GGNBP2: variants seen among roughly 807,000 people sequenced by gnomAD.
The protein encoded by GGNBP2 is gametogenetin binding protein 2.
Under a neutral mutation model 85.9 loss-of-function variants are expected in GGNBP2, and 10 were observed. The observed-to-expected ratio is 0.12, with a 90% confidence interval of 0.07 to 0.20. GGNBP2 has a LOEUF of 0.20. Among genes scored for constraint, GGNBP2 ranks in the 10% least tolerant of loss-of-function variants. The pLI is 1.00. For synonymous variants in GGNBP2, 287 were observed against 285.7 expected (o/e 1.00, Z -0.05); for missense variants, 595 against 857.8 (o/e 0.69, Z 3.83).
chr17:36,545,509 G>A, intron 1 of GGNBP2, 110 bp from the exon 2 acceptor site: 1 of 464,530 alleles, frequency 2.2e-6, no homozygotes, highest in Non-Finnish European at 3.8e-6. Context: ...ATCGGGTGAT[G>A]GGAAACGCAG....
chr17:36,546,821 A>G (rs1180473461), intron 2 of GGNBP2: 1 of 152,176 alleles, frequency 6.6e-6, no homozygotes, highest in East Asian at 1.9e-4. Flanking sequence ...GCAGTTGATC[A>G]GTTTTGTTCC....
intron 6 of GGNBP2, among the ~76,000 whole-genome samples, chr17:36,575,648 A>ATATATATTTTTTTTTTT (rs374366757): frequency 1.8e-5 from 1 of 54,910 alleles, no homozygotes; most frequent in Non-Finnish European, 2.9e-5. Flanking sequence ...ATATATATAT[A>ATATATATTTTTTTTTTT]TTTTTTTTTT....
At chr17:36,553,569 A>G (rs867340863) in intron 2 of GGNBP2, among the ~76,000 whole-genome samples, 1 of 152,194 alleles carries the variant, frequency 6.6e-6, no homozygotes. Context: ...GGGTAGGGAT[A>G]TTTTGTTTTT....
chr17:36,549,139 G>A (rs746463872), intron 2 of GGNBP2, among the ~76,000 whole-genome samples: 15 of 152,124 alleles, frequency 9.9e-5, no homozygotes, highest in Non-Finnish European at 1.8e-4. Context: ...ATGTTGTTCA[G>A]TGTTACTACA....
intron 2 of GGNBP2, among the ~76,000 whole-genome samples, chr17:36,553,963 ATAAT>A (rs1265143936): frequency 1.3e-5 from 2 of 152,182 alleles, no homozygotes; most frequent in African/African-American, 2.4e-5. Flanking sequence ...GTGAATTTTG[ATAAT>A]TGAATAAGTA....
chr17:36,568,501 T>A (rs1474320592), intron 6 of GGNBP2, among the ~76,000 whole-genome samples: 2 of 151,938 alleles, frequency 1.3e-5, no homozygotes, highest in Non-Finnish European at 2.9e-5. Context: ...TTCGCCATGT[T>A]GTTCAGGCTG....
At chr17:36,588,607 T>TA (rs1239366727) in intron 13 of GGNBP2, among the ~76,000 whole-genome samples, 3 of 151,516 alleles carry the variant, frequency 2.0e-5, no homozygotes, top group African/African-American at 4.8e-5. Flanking sequence ...TTTATTTATT[T>TA]TTTTTTTTTG....
chr17:36,583,337 C>T (rs1362209950), intron 9 of GGNBP2, among the ~76,000 whole-genome samples: 1 of 152,108 alleles, frequency 6.6e-6, no homozygotes, highest in Non-Finnish European at 1.5e-5. Flanking sequence ...CAGGTGTGAG[C>T]CACCGCGCCT....
rs1567835889 is a variant in GGNBP2, at chr17:36,585,874, A to T, written c.1401A>T (p.Gly467=). The part of the protein sequence containing the change: ...LSPHCNGSDC[G]YSSSMEGSET... ...CACACTGTAATGGTAGTGATTGTGG[A>T]TATTCATCTAGCATGGAAGGGAGTG... is the stretch of plus-strand genomic sequence containing the variant. Residue 467 remains glycine (G), a synonymous_variant, in exon 11 of 14, where the codon GGA becomes GGT. Transcript: ENST00000613102. The T allele has an allele frequency of 1.2e-6, 2 of 1,613,758 alleles. No individual in the cohort carries two copies. The highest frequency in any genetic ancestry group is 1.7e-6 in the Non-Finnish European group (2 of 1,179,786).
chr17:36,553,592 T>C (rs1475618646), intron 2 of GGNBP2, among the ~76,000 whole-genome samples: 1 of 152,214 alleles, frequency 6.6e-6, no homozygotes, highest in Non-Finnish European at 1.5e-5. Context: ...CTTAAATCGG[T>C]GTTTTTCTCT....
chr17:36,566,277 T>TGGACAAA (rs2074467744), intron 5 of GGNBP2, among the ~76,000 whole-genome samples: 1 of 152,212 alleles, frequency 6.6e-6, no homozygotes, highest in Admixed American at 6.5e-5. Flanking sequence ...ATAAATGTGC[T>TGGACAAA]GCAACAAAGC....
chr17:36,589,484 T>A lies in GGNBP2; in HGVS notation c.*73T>A. ...TGCGCCTTCTCTTTCGAAAAACTCT[T>A]AATTTAGTGACTTATGGCAAAATTT... On this transcript the variant is annotated 3_prime_UTR_variant, in exon 14 of 14. Coordinates refer to ENST00000613102, the MANE Select transcript of GGNBP2 (RefSeq NM_024835.5). 8.1e-7 allele frequency: 1 copy of A among 1,236,726 alleles called. No individual in the cohort carries two copies. Among genetic ancestry groups the A allele is most frequent in the South Asian group, 1.3e-5 (1 of 77,608 alleles). The allele number at this position is 1,236,726 out of a possible 1,614,324, so 76.6% of individuals were successfully genotyped here.
At chr17:36,572,811 A>G (rs926988873) in intron 6 of GGNBP2, among the ~76,000 whole-genome samples, 3 of 152,192 alleles carry the variant, frequency 2.0e-5, no homozygotes, top group African/African-American at 7.2e-5. Context: ...ATCTCAACTG[A>G]AACTATACGC....
At chr17:36,577,149 A>G (rs1164351887) in intron 6 of GGNBP2, 2 of 152,156 alleles carry the variant, frequency 1.3e-5, no homozygotes, top group African/African-American at 4.8e-5. Context: ...ATTTACTCTT[A>G]TTGTGAGCCT....
chr17:36,588,947 TATG>T lies in GGNBP2; in HGVS notation c.1891-260_1891-258del, dbSNP rs2074730933. On this transcript the variant is annotated intron_variant, in intron 13 of 13. Coordinates refer to ENST00000613102, the MANE Select transcript of GGNBP2 (RefSeq NM_024835.5). ...ATTAGTTATTTTTTCAAGGCCAAGGTATGGTGGTAGTTTGCTAGGCTCATAGGC... is the reference window on the plus strand; with the variant it reads ...ATTAGTTATTTTTTCAAGGCCAAGGTGTGGTAGTTTGCTAGGCTCATAGGC... 2.7e-5 allele frequency among the ~76,000 whole-genome samples: 4 copies of T among 150,580 alleles called. No individual in the cohort carries two copies. The South Asian group carries it at 8.3e-4, about 31-fold the overall frequency.
At chr17:36,548,377 G>A (rs2074274073) in intron 2 of GGNBP2, among the ~76,000 whole-genome samples, 1 of 151,994 alleles carries the variant, frequency 6.6e-6, no homozygotes, top group Admixed American at 6.6e-5. Context: ...CACTTTGGGA[G>A]GCTGAGGCAG....
intron 6 of GGNBP2, among the ~76,000 whole-genome samples, chr17:36,573,138 A>T (rs1322422548): frequency 3.9e-5 from 6 of 151,912 alleles, no homozygotes; most frequent in East Asian, 1.9e-4. Context: ...TTTTTGAGAC[A>T]GTCTCGCTCT....
intron 3 of GGNBP2, 73 bp from the exon 4 acceptor site, chr17:36,557,010 G>A: frequency 6.4e-7 from 1 of 1,566,056 alleles, no homozygotes. Flanking sequence ...ACAAGGATAG[G>A]AACCAGTAGT....
chr17:36,566,298 G>T (rs1357628555), intron 5 of GGNBP2, among the ~76,000 whole-genome samples: 1 of 152,204 alleles, frequency 6.6e-6, no homozygotes, highest in African/African-American at 2.4e-5. Flanking sequence ...AAAATGTGTG[G>T]CAATTTTCAT....
Sources: gnomAD v4.1 joint callset for allele counts (sites outside exome capture counted in the v4.1 genomes callset) on GRCh38, gnomAD v4.1.1 for gene constraint, MANE v1.5 for transcripts, NCBI Gene and HGNC (gene_info 2026-07-23, HGNC 2026-07-21) for gene names.